The following KCND2 variants were observed in gnomAD, a reference collection of about 807,000 sequenced individuals.
KCND2 encodes A-type voltage-gated potassium channel KCND2.
Under a neutral mutation model 54.4 loss-of-function variants are expected in KCND2, and 16 were observed. That is an observed-to-expected ratio of 0.29 (90% CI 0.20 to 0.45). The LOEUF (loss-of-function observed/expected upper bound fraction) is 0.45, where lower values mean the gene tolerates loss of function less well. Ranked by LOEUF, KCND2 falls within the 20% of genes least tolerant of loss-of-function variation. KCND2 has a pLI of 1.00. For synonymous variants in KCND2, 317 were observed against 310.7 expected (o/e 1.02, Z -0.21); for missense variants, 486 against 824.2 (o/e 0.59, Z 5.02).
chr7:120,618,740 CTT>C (rs902913344), intron 1 of KCND2, among the ~76,000 whole-genome samples: 6 of 152,132 alleles, frequency 3.9e-5, no homozygotes, highest in Admixed American at 3.9e-4. Context: ...TTCAGCAACA[CTT>C]TGCAATATTT....
chr7:120,386,565 A>G (rs1387727717), intron 1 of KCND2, among the ~76,000 whole-genome samples: 1 of 152,198 alleles, frequency 6.6e-6, no homozygotes, highest in African/African-American at 2.4e-5. Context: ...TTAAAAAGCC[A>G]AAAGAATTAG....
At chr7:120,532,985 A>G (rs1171260756) in intron 1 of KCND2, among the ~76,000 whole-genome samples, 1 of 152,070 alleles carries the variant, frequency 6.6e-6, no homozygotes. Context: ...GTTCTCTGAT[A>G]GAAATTTGAC....
At chr7:120,464,185 T>C in intron 1 of KCND2, 1 of 444,750 alleles carries the variant, frequency 2.2e-6, no homozygotes, top group Non-Finnish European at 3.0e-6. Context: ...GTGAGTCTGT[T>C]CGTGCAAGCT....
At chr7:120,651,391 C>G (rs753440612) in intron 1 of KCND2, among the ~76,000 whole-genome samples, 2 of 152,130 alleles carry the variant, frequency 1.3e-5, no homozygotes, top group Non-Finnish European at 2.9e-5. Context: ...GAGTGAGGCT[C>G]CATGGGCGTG....
intron 2 of KCND2, among the ~76,000 whole-genome samples, chr7:120,735,869 A>G (rs1057166608): frequency 6.6e-6 from 1 of 152,106 alleles, no homozygotes; most frequent in African/African-American, 2.4e-5. Context: ...CTAAGAAAGA[A>G]CAGTGGATAT....
chr7:120,703,046 T>C (rs1294951354), intron 1 of KCND2, among the ~76,000 whole-genome samples: 1 of 152,162 alleles, frequency 6.6e-6, no homozygotes, highest in Admixed American at 6.6e-5. Flanking sequence ...CAATAGAAAA[T>C]AGCCTTAAAT....
intron 1 of KCND2, among the ~76,000 whole-genome samples, chr7:120,598,098 A>G (rs966178709): frequency 6.6e-6 from 1 of 152,108 alleles, no homozygotes; most frequent in Admixed American, 6.5e-5. Context: ...AACTAAAGAA[A>G]AACTAAAAAG....
At position 120,347,493 on chromosome 7, in the gene KCND2, C is replaced by T. The variant is rs983620283; in HGVS notation, c.1115+71746C>T. Among the ~76,000 whole-genome samples the T allele has an allele frequency of 2.6e-5, 4 of 152,222 alleles. No homozygotes were observed. The South Asian group carries it at 8.3e-4, about 32-fold the overall frequency. On this transcript the variant is annotated intron_variant, in intron 1 of 5. Transcript: ENST00000331113. ...ATTTTTCAGGCCGGGTGCGGTAGCTCAAGCCTGTAACCCCAGCACTTTGGG... is the reference window on the plus strand; with the variant it reads ...ATTTTTCAGGCCGGGTGCGGTAGCTTAAGCCTGTAACCCCAGCACTTTGGG...
At chr7:120,719,048 C>T (rs1792637496) in intron 1 of KCND2, among the ~76,000 whole-genome samples, 1 of 151,984 alleles carries the variant, frequency 6.6e-6, no homozygotes, top group African/African-American at 2.4e-5. Flanking sequence ...TTCCAACTCC[C>T]TATAGAAACT....
intron 1 of KCND2, among the ~76,000 whole-genome samples, chr7:120,394,207 G>GT (rs1361393258): frequency 6.6e-6 from 1 of 151,922 alleles, no homozygotes; most frequent in African/African-American, 2.4e-5. Flanking sequence ...CAGTCTTCCT[G>GT]AAGGCTCAGA....
rs987040245 is a variant in KCND2 at position 120,745,985 on chromosome 7, C to T, written c.1673C>T (p.Thr558Met). 5.0e-6 allele frequency: 8 copies of T among 1,613,730 alleles called. No individual in the cohort carries two copies. The highest frequency in any genetic ancestry group is 4.0e-5 in the African/African-American group (3 of 75,022). The change falls in exon 5 of 6, where the codon ACG becomes ATG. Residue 558 changes from threonine to methionine, a missense_variant. Around this residue, in one of 7 missense-constraint regions of KCND2, gnomAD observed 202 missense variants for 252.7 expected, o/e 0.80. Transcript: ENST00000331113. ...SHQGSIQELS[T>M]IQIRCVERTP... ...CAAGGTAGTATACAAGAACTCAGCA[C>T]GATTCAGATCAGATGTGTGGAGAGA...
At chr7:120,498,376 A>G (rs777096779) in intron 1 of KCND2, among the ~76,000 whole-genome samples, 65 of 149,734 alleles carry the variant, frequency 4.3e-4, no homozygotes, top group Non-Finnish European at 6.8e-4. Context: ...GCTACTCAGG[A>G]TGCTGAGGCA....
At chr7:120,326,907 C>A (rs765304591) in intron 1 of KCND2, among the ~76,000 whole-genome samples, 1 of 152,018 alleles carries the variant, frequency 6.6e-6, no homozygotes, top group Admixed American at 6.6e-5. Flanking sequence ...CAGAACAAAA[C>A]AAATGTGATC....
intron 1 of KCND2, among the ~76,000 whole-genome samples, chr7:120,397,176 T>G (rs1444844002): frequency 3.3e-5 from 5 of 152,054 alleles, no homozygotes; most frequent in Non-Finnish European, 7.4e-5. Context: ...AATATGATTG[T>G]CCATTTAAAC....
At chr7:120,650,078 C>G (rs1282553566) in intron 1 of KCND2, among the ~76,000 whole-genome samples, 1 of 151,676 alleles carries the variant, frequency 6.6e-6, no homozygotes, top group Admixed American at 6.6e-5. Flanking sequence ...TTTGGTGAAT[C>G]TGACAATTAT....
chr7:120,642,894 C>T (rs901260075), intron 1 of KCND2, among the ~76,000 whole-genome samples: 8 of 152,060 alleles, frequency 5.3e-5, no homozygotes, highest in African/African-American at 1.9e-4. Context: ...TGTTGTGATA[C>T]CAAAATTGCA....
intron 1 of KCND2, among the ~76,000 whole-genome samples, chr7:120,379,389 C>T (rs1316484755): frequency 1.3e-5 from 2 of 152,056 alleles, no homozygotes; most frequent in African/African-American, 4.8e-5. Flanking sequence ...TTTAAGGTCA[C>T]AACTGGCCTT....
intron 1 of KCND2, among the ~76,000 whole-genome samples, chr7:120,518,054 T>C (rs143376767): frequency 2.6e-5 from 4 of 152,134 alleles, no homozygotes; most frequent in African/African-American, 7.2e-5. Flanking sequence ...TATTCATACC[T>C]GAAGAAAGAG....
chr7:120,320,818 G>A (rs1799884293), intron 1 of KCND2, among the ~76,000 whole-genome samples: 1 of 152,148 alleles, frequency 6.6e-6, no homozygotes, highest in South Asian at 2.1e-4. Context: ...AGAGTCAGGG[G>A]TAGAACCATT....
Sources: allele counts gnomAD v4.1 joint callset (sites outside exome capture counted in the v4.1 genomes callset), GRCh38; gene constraint gnomAD v4.1.1; regional missense constraint gnomAD v4.1.1; transcripts MANE v1.5; gene names NCBI Gene and HGNC (gene_info 2026-07-23, HGNC 2026-07-21).